Variants in ITSN2 observed in about 807,000 individuals in gnomAD.
The protein encoded by ITSN2 is intersectin-2.
ITSN2 carries 156 observed loss-of-function variants against 243.7 expected under a neutral mutation model. That is an observed-to-expected ratio of 0.64 (90% CI 0.56 to 0.73). The LOEUF is 0.73. Ranked by LOEUF, ITSN2 falls within the 30% of genes least tolerant of loss-of-function variation. ITSN2 has a pLI of 0.00. For synonymous variants in ITSN2, 703 were observed against 699.9 expected (o/e 1.00, Z -0.07); for missense variants, 1,801 against 1,996.1 (o/e 0.90, Z 1.86).
At chr2:24,257,310 C>A (rs1461340894) in intron 23 of ITSN2, among the ~76,000 whole-genome samples, 1 of 151,886 alleles carries the variant, frequency 6.6e-6, no homozygotes, top group African/African-American at 2.4e-5. Flanking sequence ...CAGAGTGAGA[C>A]CCTGTCTCAA....
intron 8 of ITSN2, among the ~76,000 whole-genome samples, chr2:24,306,951 G>T (rs1167218147): frequency 6.6e-6 from 1 of 151,908 alleles, no homozygotes; most frequent in African/African-American, 2.4e-5. Flanking sequence ...GACTACAGGT[G>T]TGCACCACCA....
chr2:24,336,164 C>A (rs1289082044), intron 1 of ITSN2, among the ~76,000 whole-genome samples: 2 of 151,316 alleles, frequency 1.3e-5, no homozygotes, highest in East Asian at 4.0e-4. Flanking sequence ...ATGGCATGAA[C>A]CCAGGAGGCG....
intron 3 of ITSN2, among the ~76,000 whole-genome samples, chr2:24,313,971 T>G (rs1350361989): frequency 6.6e-6 from 1 of 152,236 alleles, no homozygotes; most frequent in Non-Finnish European, 1.5e-5. Flanking sequence ...CCTGGGTCAC[T>G]TCTCAGAATT....
chr2:24,322,352 T>C (rs1355874668), intron 2 of ITSN2, among the ~76,000 whole-genome samples: 2 of 152,198 alleles, frequency 1.3e-5, no homozygotes, highest in African/African-American at 2.4e-5. Context: ...TTGGTAAGTG[T>C]TGAAGGCAAG....
chr2:24,284,816 G>A lies in ITSN2; in HGVS notation c.1891C>T (p.Gln631Ter). 6.2e-7 allele frequency: 1 copy of A among 1,603,154 alleles called. No individual in the cohort carries two copies. The highest frequency in any genetic ancestry group is 8.5e-7 in the Non-Finnish European group (1 of 1,171,622). The change falls in exon 17 of 40, where the codon CAG becomes TAG. Residue 631 changes from glutamine (Q) to a stop codon, truncating the protein, a stop_gained. Transcript: ENST00000355123. LOFTEE classifies it high-confidence loss of function. ...KCGNMDDSVL[Q>*]CLLSLLSCLN... Reference sequence around the variant, plus strand: ...CAGCTTAGCAGAGACAAAAGGCACTGAAGAACAGAGTCATCCATATTCCCA... The same window carrying A: ...CAGCTTAGCAGAGACAAAAGGCACTAAAGAACAGAGTCATCCATATTCCCA...
intron 19 of ITSN2, among the ~76,000 whole-genome samples, chr2:24,271,405 A>G (rs191280480): frequency 1.3e-5 from 2 of 152,346 alleles, no homozygotes; most frequent in African/African-American, 4.8e-5. Context: ...TATTGTGGAA[A>G]TGGACTGAGG....
chr2:24,222,026 G>T (rs1342412763), intron 29 of ITSN2, among the ~76,000 whole-genome samples: 3 of 152,198 alleles, frequency 2.0e-5, no homozygotes, highest in East Asian at 1.9e-4. Context: ...GCCAAGGTGG[G>T]TGTATCACGA....
At chr2:24,276,938 A>C (rs1364704516) in intron 17 of ITSN2, among the ~76,000 whole-genome samples, 1 of 152,200 alleles carries the variant, frequency 6.6e-6, no homozygotes, top group Non-Finnish European at 1.5e-5. Flanking sequence ...AATAAAATCA[A>C]CTCAGAAAAA....
At chr2:24,275,627 C>A in intron 18 of ITSN2, 86 bp downstream of exon 18, 1 of 1,127,706 alleles carries the variant, frequency 8.9e-7, no homozygotes, top group South Asian at 1.7e-5. Context: ...CTTTATTTTC[C>A]TTAAATTTTC....
intron 2 of ITSN2, among the ~76,000 whole-genome samples, chr2:24,317,687 C>T (rs1226544370): frequency 6.6e-6 from 1 of 152,240 alleles, no homozygotes; most frequent in Non-Finnish European, 1.5e-5. Flanking sequence ...GAAAACAAAT[C>T]TCAACTGCTA....
chr2:24,249,703 G>A lies in ITSN2; in HGVS notation c.3121-821C>T, dbSNP rs908518677. 2.0e-5 allele frequency among the ~76,000 whole-genome samples: 3 copies of A among 152,138 alleles called. No individual in the cohort carries two copies. The highest frequency in any genetic ancestry group is 2.9e-5 in the Non-Finnish European group (2 of 68,022). On this transcript the variant is annotated intron_variant, in intron 25 of 39. Transcript: ENST00000355123. The surrounding 1 kb of genome is among the most constrained non-coding windows in gnomAD (Gnocchi z 4.4). ...CCATTTTACAGAGAAGGAAACTGAG[G>A]CACAGAAAGGTACAGTAACTTGTCC...
chr2:24,336,603 G>A (rs1686405571), intron 1 of ITSN2, among the ~76,000 whole-genome samples: 1 of 152,014 alleles, frequency 6.6e-6, no homozygotes, highest in South Asian at 2.1e-4. Context: ...CCTTTGTCAT[G>A]GTCATCACAC....
Position 24,284,836 on chromosome 2 carries a change from T to C in ITSN2, c.1871A>G (p.Asn624Ser), listed in dbSNP as rs1679254584. 6.3e-7 allele frequency: 1 copy of C among 1,591,634 alleles called. No homozygotes were observed. The highest frequency in any genetic ancestry group is 8.6e-7 in the Non-Finnish European group (1 of 1,160,732). ...GCACTGAAGAACAGAGTCATCCATA[T>C]TCCCACACTGTAAGATAAGGCAGAT... is the stretch of plus-strand genomic sequence containing the variant. The part of the protein sequence containing the change: ...DSFNNQLKCG[N>S]MDDSVLQCLL... Residue 624 changes from asparagine to serine, a missense_variant, in exon 17 of 40, where the codon AAT becomes AGT. Physicochemically the swap from Asn to Ser is conservative, Grantham distance 46. Around this residue, in one of 5 missense-constraint regions of ITSN2, gnomAD observed 787 missense variants for 803.9 expected, o/e 0.98. Transcript: ENST00000355123.
chr2:24,356,743 A>G (rs1186373742), intron 1 of ITSN2, among the ~76,000 whole-genome samples: 2 of 152,044 alleles, frequency 1.3e-5, no homozygotes, highest in Non-Finnish European at 2.9e-5. Flanking sequence ...TCTCTACTAA[A>G]AAGACAAAAA....
intron 24 of ITSN2, 49 bp downstream of exon 24, chr2:24,254,318 C>A: frequency 8.2e-7 from 1 of 1,221,672 alleles, no homozygotes; most frequent in South Asian, 1.2e-5. Flanking sequence ...GGTAGTTAGT[C>A]AAGAGCTAAA....
At chr2:24,321,279 T>G (rs1456296495) in intron 2 of ITSN2, among the ~76,000 whole-genome samples, 1 of 152,200 alleles carries the variant, frequency 6.6e-6, no homozygotes, top group Non-Finnish European at 1.5e-5. Context: ...ACCTTTACAA[T>G]TTATTCCATT....
At chr2:24,325,647 A>G (rs1347286360) in intron 2 of ITSN2, among the ~76,000 whole-genome samples, 1 of 152,232 alleles carries the variant, frequency 6.6e-6, no homozygotes, top group Non-Finnish European at 1.5e-5. Context: ...TTGATGTCTA[A>G]TATTTCCCTA....
chr2:24,274,269 C>G (rs1263379553), intron 18 of ITSN2, among the ~76,000 whole-genome samples: 1 of 152,104 alleles, frequency 6.6e-6, no homozygotes, highest in African/African-American at 2.4e-5. Flanking sequence ...TAGGAGGCCA[C>G]AAAAACAGGG....
intron 1 of ITSN2, among the ~76,000 whole-genome samples, chr2:24,351,519 A>C (rs1358095353): frequency 6.6e-6 from 1 of 152,244 alleles, no homozygotes; most frequent in Non-Finnish European, 1.5e-5. Context: ...TAATGTGGAT[A>C]CAGTAGACCC....
Sources: allele counts gnomAD v4.1 joint callset (sites outside exome capture counted in the v4.1 genomes callset), GRCh38; gene constraint gnomAD v4.1.1; regional missense constraint gnomAD v4.1.1; non-coding constraint Gnocchi (gnomAD v3.1); transcripts MANE v1.5; gene names NCBI Gene and HGNC (gene_info 2026-07-23, HGNC 2026-07-21).